The following STX8 variants were observed in gnomAD, a reference collection of about 807,000 sequenced individuals.
The protein encoded by STX8 is syntaxin-8.
STX8 carries 23 observed loss-of-function variants against 37.5 expected under a neutral mutation model. The ratio of observed to expected loss-of-function variants is 0.61; its 90% CI spans 0.44 to 0.87. The LOEUF is 0.87. Among genes scored for constraint, STX8 ranks in the 40% least tolerant of loss-of-function variants. The pLI, the probability that STX8 is intolerant of heterozygous loss-of-function variation, is 0.00. For missense variants in STX8, 313 were observed against 284.7 expected (o/e 1.10, Z -0.71); for synonymous variants, 115 against 99.1 (o/e 1.16, Z -0.95).
intron 1 of STX8, 68 bp downstream of exon 1, chr17:9,575,724 C>G (rs1264500861): frequency 6.5e-7 from 1 of 1,536,042 alleles, no homozygotes; most frequent in Non-Finnish European, 8.8e-7. Flanking sequence ...GAAGTGATTG[C>G]CTGCTCTCCG....
intron 6 of STX8, among the ~76,000 whole-genome samples, chr17:9,385,655 A>C (rs1911972971): frequency 6.6e-6 from 1 of 152,248 alleles, no homozygotes; most frequent in South Asian, 2.1e-4. Context: ...AAAGACTTAC[A>C]ATACTAATTG....
At chr17:9,506,401 A>ACCC (rs1382112308) in intron 4 of STX8, among the ~76,000 whole-genome samples, 4 of 18,316 alleles carry the variant, frequency 2.2e-4, no homozygotes, top group South Asian at 2.0e-3. Context: ...GCTGGTGCTC[A>ACCC]CCCGCTCCCC....
At chr17:9,444,080 A>C (rs1318680055) in intron 6 of STX8, among the ~76,000 whole-genome samples, 1 of 151,992 alleles carries the variant, frequency 6.6e-6, no homozygotes, top group Non-Finnish European at 1.5e-5. Context: ...CCTCCCTCAC[A>C]CTTCTATTTC....
At chr17:9,331,055 G>T (rs901562537) in intron 7 of STX8, among the ~76,000 whole-genome samples, 1 of 152,158 alleles carries the variant, frequency 6.6e-6, no homozygotes, top group Non-Finnish European at 1.5e-5. Flanking sequence ...TATAAAACAG[G>T]AAACAAAGGG....
chr17:9,519,988 T>C (rs1364849188), intron 4 of STX8, among the ~76,000 whole-genome samples: 1 of 152,160 alleles, frequency 6.6e-6, no homozygotes, highest in South Asian at 2.1e-4. Context: ...TCAAGCGGGA[T>C]TGTAGTTAGT....
intron 7 of STX8, among the ~76,000 whole-genome samples, chr17:9,291,280 A>G (rs951980100): frequency 3.9e-5 from 6 of 152,018 alleles, no homozygotes; most frequent in Non-Finnish European, 7.4e-5. Flanking sequence ...CCTCGTGTCC[A>G]CTAAAAACAC....
chr17:9,316,792 T>A (rs958250590), intron 7 of STX8, among the ~76,000 whole-genome samples: 1 of 152,218 alleles, frequency 6.6e-6, no homozygotes, highest in Admixed American at 6.5e-5. Flanking sequence ...ACACTTTGAC[T>A]TGTGATTGAC....
intron 7 of STX8, among the ~76,000 whole-genome samples, chr17:9,308,565 A>AT (rs1909081863): frequency 6.6e-6 from 1 of 152,104 alleles, no homozygotes; most frequent in South Asian, 2.1e-4. Context: ...TCTACTAAAA[A>AT]TACAAAAATT....
intron 7 of STX8, among the ~76,000 whole-genome samples, chr17:9,266,794 C>T (rs1213929756): frequency 6.6e-6 from 1 of 152,020 alleles, no homozygotes; most frequent in Non-Finnish European, 1.5e-5. Flanking sequence ...TGTTTAAGGG[C>T]AGTGGGAGAA....
At chr17:9,484,909 G>A (rs1335825951) in intron 6 of STX8, among the ~76,000 whole-genome samples, 5 of 152,170 alleles carry the variant, frequency 3.3e-5, no homozygotes, top group Non-Finnish European at 5.9e-5. Flanking sequence ...GGTGGGGTGT[G>A]TAATTCTAGT....
intron 7 of STX8, among the ~76,000 whole-genome samples, chr17:9,257,280 G>A (rs995605613): frequency 6.6e-6 from 1 of 152,184 alleles, no homozygotes; most frequent in African/African-American, 2.4e-5. Context: ...TTTCAAACTG[G>A]GAGAGGATAT....
intron 7 of STX8, among the ~76,000 whole-genome samples, chr17:9,376,881 A>C (rs891061461): frequency 2.6e-5 from 4 of 152,258 alleles, no homozygotes; most frequent in Non-Finnish European, 5.9e-5. Flanking sequence ...CGGACACAGT[A>C]TCTCTCATCT....
intron 4 of STX8, among the ~76,000 whole-genome samples, chr17:9,517,788 TAAAAAA>T (rs11318149): frequency 5.1e-5 from 5 of 98,746 alleles, no homozygotes; most frequent in African/African-American, 1.5e-4. Context: ...ACCCCTATTG[TAAAAAA>T]AAAAAAAAAA....
chr17:9,437,468 G>C (rs1182049079), intron 6 of STX8, among the ~76,000 whole-genome samples: 1 of 152,208 alleles, frequency 6.6e-6, no homozygotes, highest in Non-Finnish European at 1.5e-5. Context: ...AACAATGGCA[G>C]GGATTATCTT....
At chr17:9,283,933 GGTGTA>G (rs745931637) in intron 7 of STX8, among the ~76,000 whole-genome samples, 6 of 152,156 alleles carry the variant, frequency 3.9e-5, no homozygotes, top group Non-Finnish European at 8.8e-5. Flanking sequence ...GTTTTACTGT[GGTGTA>G]TTTCCTCGGG....
At chr17:9,575,106 TC>T (rs1907849705) in intron 1 of STX8, among the ~76,000 whole-genome samples, 2 of 152,254 alleles carry the variant, frequency 1.3e-5, no homozygotes, top group Non-Finnish European at 1.5e-5. Flanking sequence ...AACAATATGT[TC>T]CTTGGGATCA....
chr17:9,498,460 C>A (rs1234470501), intron 5 of STX8, among the ~76,000 whole-genome samples: 1 of 151,598 alleles, frequency 6.6e-6, no homozygotes, highest in African/African-American at 2.4e-5. Context: ...TGTTAGAAGA[C>A]TCAGAGCAAG....
At chr17:9,495,176 A>C (rs1904337926) in intron 5 of STX8, among the ~76,000 whole-genome samples, 7 of 152,188 alleles carry the variant, frequency 4.6e-5, no homozygotes, top group African/African-American at 1.4e-4. Flanking sequence ...ATTGTTTGAC[A>C]CACTGTACTT....
intron 1 of STX8, among the ~76,000 whole-genome samples, chr17:9,569,047 G>A (rs1907576053): frequency 6.6e-6 from 1 of 152,200 alleles, no homozygotes; most frequent in South Asian, 2.1e-4. Context: ...GAGGCACAAA[G>A]AGTTAGAGTG....
Sources: gnomAD v4.1 joint callset for allele counts (sites outside exome capture counted in the v4.1 genomes callset) on GRCh38, gnomAD v4.1.1 for gene constraint, MANE v1.5 for transcripts, NCBI Gene and HGNC (gene_info 2026-07-23, HGNC 2026-07-21) for gene names.